DCUN1D2: variants seen among roughly 807,000 people sequenced by gnomAD.
The protein encoded by DCUN1D2 is defective in cullin neddylation 1 domain containing 2, also known as DCN1-like protein 2.
Under a neutral mutation model 30.9 loss-of-function variants are expected in DCUN1D2, and 29 were observed. That is an observed-to-expected ratio of 0.94 (90% CI 0.70 to 1.28). The LOEUF (loss-of-function observed/expected upper bound fraction) is 1.28, where lower values mean the gene tolerates loss of function less well. DCUN1D2 is among the 50% of genes most tolerant of loss of function. The pLI, the probability that DCUN1D2 is intolerant of heterozygous loss-of-function variation, is 0.00. For synonymous variants in DCUN1D2, 121 were observed against 115.3 expected (o/e 1.05, Z -0.32); for missense variants, 325 against 316.9 (o/e 1.03, Z -0.19).
intron 6 of DCUN1D2, among the ~76,000 whole-genome samples, chr13:113,458,714 C>G (rs181155716): frequency 6.6e-6 from 1 of 152,300 alleles, no homozygotes; most frequent in Middle Eastern, 3.4e-3. Context: ...CAGACAGACA[C>G]GTAAACCACC....
chr13:113,473,809 A>C (rs1347149815), intron 4 of DCUN1D2, among the ~76,000 whole-genome samples: 1 of 152,204 alleles, frequency 6.6e-6, no homozygotes, highest in Non-Finnish European at 1.5e-5. Context: ...CAGCATAGGC[A>C]ACAAGGCAAG....
intron 4 of DCUN1D2, among the ~76,000 whole-genome samples, chr13:113,469,358 T>C (rs1250608871): frequency 6.6e-6 from 1 of 151,928 alleles, no homozygotes; most frequent in Non-Finnish European, 1.5e-5. Context: ...GAATGCATGC[T>C]GGGAAACACA....
At chr13:113,466,658 A>G (rs1223401097) in intron 4 of DCUN1D2, among the ~76,000 whole-genome samples, 3 of 152,200 alleles carry the variant, frequency 2.0e-5, no homozygotes, top group Non-Finnish European at 4.4e-5. Flanking sequence ...TGGCTGGTAC[A>G]GTAAATCTCT....
intron 1 of DCUN1D2, among the ~76,000 whole-genome samples, chr13:113,486,542 A>G (rs557922968): frequency 6.6e-6 from 1 of 152,350 alleles, no homozygotes; most frequent in South Asian, 2.1e-4. Flanking sequence ...TCCTGAGACT[A>G]AACACTTAAG....
intron 3 of DCUN1D2, among the ~76,000 whole-genome samples, chr13:113,478,752 T>C (rs2044658998): frequency 6.6e-6 from 1 of 152,188 alleles, no homozygotes; most frequent in Admixed American, 6.5e-5. Flanking sequence ...AGTTATCTTT[T>C]TGTTATATTC....
At chr13:113,483,813 T>C (rs765605885) in intron 2 of DCUN1D2, 27 bp downstream of exon 2, 1 of 1,603,706 alleles carries the variant, frequency 6.2e-7, no homozygotes, top group South Asian at 1.1e-5. Flanking sequence ...CCGACATCCG[T>C]CCGGCTTTGC....
intron 4 of DCUN1D2, among the ~76,000 whole-genome samples, chr13:113,472,849 C>A (rs2044545643): frequency 6.6e-6 from 1 of 152,212 alleles, no homozygotes; most frequent in Non-Finnish European, 1.5e-5. Flanking sequence ...GGCCCCAGGG[C>A]CTTGCACAGC....
chr13:113,482,760 T>C (rs540435455), intron 2 of DCUN1D2, among the ~76,000 whole-genome samples: 4 of 152,112 alleles, frequency 2.6e-5, no homozygotes, highest in Non-Finnish European at 5.9e-5. Context: ...CTGGCCAACA[T>C]GGTGAAACCC....
intron 1 of DCUN1D2, among the ~76,000 whole-genome samples, chr13:113,486,728 G>T (rs1355665255): frequency 6.6e-6 from 1 of 152,180 alleles, no homozygotes; most frequent in Non-Finnish European, 1.5e-5. Flanking sequence ...AATTTCAGGG[G>T]TTTCACAGAT....
intron 2 of DCUN1D2, 84 bp downstream of exon 2, chr13:113,483,756 C>A: frequency 7.2e-7 from 1 of 1,396,348 alleles, no homozygotes; most frequent in Non-Finnish European, 9.9e-7. Flanking sequence ...GAGACCTGCC[C>A]CGGCACCAGA....
At chr13:113,485,406 G>A (rs1353798244) in intron 1 of DCUN1D2, among the ~76,000 whole-genome samples, 1 of 152,198 alleles carries the variant, frequency 6.6e-6, no homozygotes, top group African/African-American at 2.4e-5. Context: ...CCTGTCACAT[G>A]TAAGAGCTGG....
intron 6 of DCUN1D2, among the ~76,000 whole-genome samples, chr13:113,458,324 C>T (rs2044260011): frequency 6.6e-6 from 1 of 152,222 alleles, no homozygotes; most frequent in African/African-American, 2.4e-5. Flanking sequence ...GCTGGCATGT[C>T]TAGGGGGCTG....
chr13:113,462,957 G>C (rs2044343097), intron 4 of DCUN1D2: 8 of 1,044,080 alleles, frequency 7.7e-6, no homozygotes, highest in Non-Finnish European at 9.6e-6. Context: ...GGTTAGTTTT[G>C]GTGCTAAAAA....
intron 4 of DCUN1D2, among the ~76,000 whole-genome samples, chr13:113,467,657 G>T (rs1262902554): frequency 6.6e-6 from 1 of 152,034 alleles, no homozygotes; most frequent in Non-Finnish European, 1.5e-5. Flanking sequence ...TGACAGGAAT[G>T]TAAAAAAAAA....
At position 113,483,434 on chromosome 13, in the gene DCUN1D2, T is replaced by C. The variant is rs551172831; in HGVS notation, c.220+406A>G. ...AGATCATCTTCATGATTTGCTGTTG[T>C]TCTTAACCTTCTCATCATCAATATT... On this transcript the variant is annotated intron_variant, in intron 2 of 6. Coordinates refer to ENST00000478244, the MANE Select transcript of DCUN1D2 (RefSeq NM_001014283.2). Among the ~76,000 whole-genome samples the C allele has an allele frequency of 2.0e-5, 3 of 152,266 alleles. No homozygotes were observed. In the South Asian group the frequency reaches 6.2e-4, roughly 32 times the overall value.
At chr13:113,490,871 C>T (rs1168714224), upstream of DCUN1D2, 1 of 307,962 alleles carries the variant, frequency 3.2e-6, no homozygotes, top group African/African-American at 2.2e-5. The surrounding 1 kb of genome is among the most constrained non-coding windows in gnomAD (Gnocchi z 5.2). Flanking sequence ...CGCGTCCAGC[C>T]CTCTGCGAGG....
chr13:113,489,847 CT>C (rs1017874648), intron 1 of DCUN1D2, among the ~76,000 whole-genome samples: 1 of 152,078 alleles, frequency 6.6e-6, no homozygotes, highest in African/African-American at 2.4e-5. Flanking sequence ...CAGCCGCATC[CT>C]ACAAGTTCCT....
Position 113,489,321 on chromosome 13 carries a change from G to A in DCUN1D2, c.3+1346C>T, listed in dbSNP as rs562449995. 2.2e-3 allele frequency: 444 copies of A among 200,128 alleles called. 3 individuals are homozygous for A. The highest frequency in any genetic ancestry group is 9.6e-3 in the African/African-American group (407 of 42,344). 12.4% of individuals were successfully genotyped at this position (200,128 alleles called of 1,614,324 possible). ...TCTGCCCCTGTCCTCCTAAAAGCTGGAGCAAGCTATCTCTACCTGCCCAGG... is the reference window on the plus strand; with the variant it reads ...TCTGCCCCTGTCCTCCTAAAAGCTGAAGCAAGCTATCTCTACCTGCCCAGG... On this transcript the variant is annotated intron_variant, in intron 1 of 6. Coordinates refer to ENST00000478244, the MANE Select transcript of DCUN1D2 (RefSeq NM_001014283.2).
intron 4 of DCUN1D2, among the ~76,000 whole-genome samples, chr13:113,462,015 G>A (rs1288322449): frequency 6.6e-6 from 1 of 152,138 alleles, no homozygotes; most frequent in Non-Finnish European, 1.5e-5. Flanking sequence ...CACTTTGGGA[G>A]GCTGAGGCGG....
Sources: allele counts gnomAD v4.1 joint callset (sites outside exome capture counted in the v4.1 genomes callset), GRCh38; gene constraint gnomAD v4.1.1; non-coding constraint Gnocchi (gnomAD v3.1); transcripts MANE v1.5; gene names NCBI Gene and HGNC (gene_info 2026-07-23, HGNC 2026-07-21).